ACVR1: variants seen among roughly 807,000 people sequenced by gnomAD.
ACVR1 encodes activin receptor type-1.
ACVR1 carries 38 observed loss-of-function variants against 57.1 expected under a neutral mutation model. The ratio of observed to expected loss-of-function variants is 0.67; its 90% CI spans 0.51 to 0.87. ACVR1 has a LOEUF of 0.87. Among genes scored for constraint, ACVR1 ranks in the 40% least tolerant of loss-of-function variants. The pLI is 0.00. For synonymous variants in ACVR1, 212 were observed against 228.1 expected (o/e 0.93, Z 0.63); for missense variants, 463 against 638.2 (o/e 0.73, Z 2.96).
intron 1 of ACVR1, among the ~76,000 whole-genome samples, chr2:157,839,179 C>A (rs1574134278): frequency 6.6e-6 from 1 of 152,348 alleles, no homozygotes; most frequent in Non-Finnish European, 1.5e-5. Flanking sequence ...GAGCCCCTTG[C>A]AGTCTGTTGT....
intron 1 of ACVR1, among the ~76,000 whole-genome samples, chr2:157,868,896 G>A (rs1232704776): frequency 2.6e-5 from 4 of 152,188 alleles, no homozygotes; most frequent in Non-Finnish European, 5.9e-5. Flanking sequence ...GAAGGAAGAG[G>A]AAAGCAAGAT....
intron 9 of ACVR1, among the ~76,000 whole-genome samples, chr2:157,740,061 G>A (rs1290610115): frequency 2.0e-5 from 3 of 151,948 alleles, no homozygotes; most frequent in Admixed American, 2.0e-4. Context: ...GCGCGTGCCT[G>A]TAGTTCCAGC....
chr2:157,840,654 A>C (rs763122629), intron 1 of ACVR1, among the ~76,000 whole-genome samples: 7 of 152,232 alleles, frequency 4.6e-5, no homozygotes, highest in Non-Finnish European at 8.8e-5. Flanking sequence ...GAATAAAGAA[A>C]GTGGACTCTG....
In ACVR1 at chr2:157,778,183, T is replaced by G. The variant is rs1377987645; in HGVS notation, c.491A>C (p.Tyr164Ser). The G allele has an allele frequency of 6.2e-7, 1 of 1,613,998 alleles. No individual in the cohort carries two copies. Among genetic ancestry groups the G allele is most frequent in the Admixed American group, 1.7e-5 (1 of 60,016 alleles). Residue 164 changes from tyrosine (Y) to serine (S), a missense_variant, in exon 5 of 11, where the codon TAT (tyrosine) becomes TCT (serine). By Grantham distance (144) the Tyr-to-Ser change is moderately radical (BLOSUM62 -2). This residue lies in a region of ACVR1 where 203 missense variants were observed against 235.5 expected (regional missense o/e 0.86). Transcript: ENST00000434821. ...GGTGATGAGCCCTTCGATAGTGCCATACTCCACGTCTCGGGGATTGAGGCG... is the reference window on the plus strand; with the variant it reads ...GGTGATGAGCCCTTCGATAGTGCCAGACTCCACGTCTCGGGGATTGAGGCG... ...QERLNPRDVE[Y>S]GTIEGLITTN...
At chr2:157,845,316 T>G (rs1035352717) in intron 1 of ACVR1, among the ~76,000 whole-genome samples, 1 of 152,172 alleles carries the variant, frequency 6.6e-6, no homozygotes, top group Non-Finnish European at 1.5e-5. Context: ...AATCTTGAGA[T>G]GAGATCATCC....
At chr2:157,744,854 C>T (rs558243688) in intron 9 of ACVR1, among the ~76,000 whole-genome samples, 5 of 152,326 alleles carry the variant, frequency 3.3e-5, no homozygotes, top group East Asian at 3.9e-4. Context: ...CCGCTTGGCC[C>T]GGCCACACTG....
At position 157,737,244 on chromosome 2, in the gene ACVR1, A is replaced by C. The variant is rs755809571; in HGVS notation, c.*287T>G. 2.0e-6 allele frequency: 1 copy of C among 502,420 alleles called. No individual in the cohort carries two copies. The highest frequency in any genetic ancestry group is 1.9e-5 in the African/African-American group (1 of 51,872). The allele number at this position is 502,420 out of a possible 1,614,324, so 31.1% of individuals were successfully genotyped here. A position where few individuals can be genotyped will look rare whatever the true frequency, so the allele number is the denominator to read the frequency against. ...ACTTAATGCCCAGATCTCTTTTAGG[A>C]TTTCTCTGTGTTCCTCCAGTCCCTA... is the stretch of plus-strand genomic sequence containing the variant. On this transcript the variant is annotated 3_prime_UTR_variant, in exon 11 of 11. Transcript: ENST00000434821.
At chr2:157,860,044 TA>T (rs1163658360) in intron 1 of ACVR1, 1 of 152,044 alleles carries the variant, frequency 6.6e-6, no homozygotes, top group East Asian at 1.9e-4. Context: ...CCAGACCAAT[TA>T]AATCACAACC....
intron 9 of ACVR1, among the ~76,000 whole-genome samples, chr2:157,741,581 T>C (rs1245156699): frequency 6.7e-6 from 1 of 148,728 alleles, no homozygotes; most frequent in East Asian, 2.0e-4. Context: ...GCCGAGATAG[T>C]GCCACTGCAC....
At chr2:157,856,521 C>T (rs930854000) in intron 1 of ACVR1, among the ~76,000 whole-genome samples, 2 of 152,130 alleles carry the variant, frequency 1.3e-5, no homozygotes, top group African/African-American at 4.8e-5. Context: ...TAACACAAAA[C>T]AACACCTCCC....
At chr2:157,827,978 T>C (rs141133826) in intron 1 of ACVR1, among the ~76,000 whole-genome samples, 368 of 152,308 alleles carry the variant, frequency 2.4e-3, no homozygotes, top group African/African-American at 8.0e-3. Flanking sequence ...TGATTGTTAC[T>C]AGGATTCCTC....
At chr2:157,863,736 G>T (rs1689817366) in intron 1 of ACVR1, among the ~76,000 whole-genome samples, 1 of 151,920 alleles carries the variant, frequency 6.6e-6, no homozygotes, top group Non-Finnish European at 1.5e-5. Flanking sequence ...GATTTAGTAA[G>T]TGATTTTCCT....
At chr2:157,816,695 T>C (rs578024492) in intron 2 of ACVR1, among the ~76,000 whole-genome samples, 47 of 152,268 alleles carry the variant, frequency 3.1e-4, no homozygotes, top group African/African-American at 1.1e-3. Context: ...CATCAGAGAC[T>C]TTCCTCAAAA....
At chr2:157,867,890 A>G (rs533669363) in intron 1 of ACVR1, among the ~76,000 whole-genome samples, 13 of 152,310 alleles carry the variant, frequency 8.5e-5, no homozygotes, top group African/African-American at 3.1e-4. Flanking sequence ...AATGGGCATT[A>G]GAGCAGGTAC....
At chr2:157,776,529 C>T (rs866054976) in intron 5 of ACVR1, among the ~76,000 whole-genome samples, 2 of 152,114 alleles carry the variant, frequency 1.3e-5, no homozygotes, top group Non-Finnish European at 2.9e-5. Context: ...ATTCTCTTTC[C>T]CCAGTTCCAC....
At chr2:157,744,593 G>A (rs1017558147) in intron 9 of ACVR1, among the ~76,000 whole-genome samples, 1 of 152,200 alleles carries the variant, frequency 6.6e-6, no homozygotes, top group Admixed American at 6.5e-5. Context: ...GCACAAAGTA[G>A]CATTTGGATA....
rs1374008691 is a variant in ACVR1 at position 157,761,066 on chromosome 2, T to C, written c.1078A>G (p.Met360Val). 3.1e-6 allele frequency: 5 copies of C among 1,613,878 alleles called. No individual in the cohort carries two copies. In the East Asian group the frequency reaches 1.1e-4, roughly 36 times the overall value. ...CCIADLGLAV[M>V]HSQSTNQLDV... ...AGCTGATTGGTGCTCTGGGAATGCA[T>C]GACTGCCAGGCCTGAAAGGAAGAAG... is the stretch of plus-strand genomic sequence containing the variant. The change falls in exon 9 of 11, where the codon ATG becomes GTG. Residue 360 changes from methionine to valine, a missense_variant. Physicochemically the swap from Met to Val is conservative, Grantham distance 21. Transcript: ENST00000434821.
At chr2:157,792,524 A>G (rs1266961433) in intron 3 of ACVR1, among the ~76,000 whole-genome samples, 2 of 152,248 alleles carry the variant, frequency 1.3e-5, no homozygotes, top group Non-Finnish European at 2.9e-5. Flanking sequence ...AATACACCAG[A>G]TGACCTATGG....
At chr2:157,758,205 A>G (rs887037984) in intron 9 of ACVR1, among the ~76,000 whole-genome samples, 1 of 151,986 alleles carries the variant, frequency 6.6e-6, no homozygotes, top group African/African-American at 2.4e-5. Flanking sequence ...TAAAACAGAC[A>G]TTAAGCCAAA....
Sources: allele counts gnomAD v4.1 joint callset (sites outside exome capture counted in the v4.1 genomes callset), GRCh38; gene constraint gnomAD v4.1.1; regional missense constraint gnomAD v4.1.1; transcripts MANE v1.5; gene names NCBI Gene and HGNC (gene_info 2026-07-23, HGNC 2026-07-21).